Variants in SGCZ observed in about 807,000 individuals in gnomAD.
The protein encoded by SGCZ is sarcoglycan zeta, also known as zeta-sarcoglycan.
Under a neutral mutation model 41.3 loss-of-function variants are expected in SGCZ, and 40 were observed. The observed-to-expected ratio is 0.97, with a 90% CI of 0.75 to 1.26. The LOEUF (loss-of-function observed/expected upper bound fraction) is 1.26. Among genes scored for constraint, SGCZ ranks in the 50% most tolerant of loss-of-function variants. SGCZ has a pLI of 0.00. For missense variants in SGCZ, 552 were observed against 369.8 expected, an observed-to-expected ratio of 1.49 and a Z score of -4.04; for synonymous variants, 206 against 137.5, an observed-to-expected ratio of 1.50 and a Z score of -3.49.
intron 1 of SGCZ, among the ~76,000 whole-genome samples, chr8:14,612,924 T>A (rs570419022): frequency 3.3e-5 from 5 of 152,268 alleles, no homozygotes; most frequent in African/African-American, 1.2e-4. Context: ...GAGCTCAGGC[T>A]ATCCACTTGC....
chr8:14,993,135 T>C (rs1398906060), intron 1 of SGCZ, among the ~76,000 whole-genome samples: 2 of 152,190 alleles, frequency 1.3e-5, no homozygotes, highest in Non-Finnish European at 2.9e-5. Context: ...AAAATAGCTC[T>C]TGAATCCACC....
chr8:14,205,832 C>T (rs910694054), intron 4 of SGCZ, among the ~76,000 whole-genome samples: 1 of 151,930 alleles, frequency 6.6e-6, no homozygotes, highest in Admixed American at 6.6e-5. Context: ...GATTTATAGT[C>T]TATATCAAAT....
chr8:14,721,859 C>T (rs949343385), intron 1 of SGCZ, among the ~76,000 whole-genome samples: 1 of 146,352 alleles, frequency 6.8e-6, no homozygotes, highest in Admixed American at 6.7e-5. Context: ...TTAACTCCTA[C>T]TCTCTCTGTG....
At chr8:14,263,440 T>A (rs1446741402) in intron 3 of SGCZ, among the ~76,000 whole-genome samples, 2 of 151,750 alleles carry the variant, frequency 1.3e-5, no homozygotes, top group Non-Finnish European at 2.9e-5. Flanking sequence ...TCCCAGCTAC[T>A]CAGGAGGCTG....
At chr8:15,183,408 C>T (rs941570629) in intron 1 of SGCZ, among the ~76,000 whole-genome samples, 1 of 152,134 alleles carries the variant, frequency 6.6e-6, no homozygotes, top group Non-Finnish European at 1.5e-5. Flanking sequence ...TTTTTCAGGT[C>T]CATTATAAGT....
intron 1 of SGCZ, among the ~76,000 whole-genome samples, chr8:14,893,415 AAT>A (rs1805088775): frequency 6.6e-6 from 1 of 152,280 alleles, no homozygotes; most frequent in African/African-American, 2.4e-5. Context: ...TAAGGTAATA[AAT>A]ATAAGGTGTT....
intron 2 of SGCZ, among the ~76,000 whole-genome samples, chr8:14,395,151 CTCA>C (rs1372289800): frequency 1.3e-5 from 2 of 152,162 alleles, no homozygotes; most frequent in African/African-American, 4.8e-5. Context: ...TAGCTTTTCT[CTCA>C]TCATCTAGAT....
At chr8:15,168,280 G>A (rs924163648) in intron 1 of SGCZ, among the ~76,000 whole-genome samples, 1 of 152,188 alleles carries the variant, frequency 6.6e-6, no homozygotes, top group Admixed American at 6.5e-5. Context: ...CAGCGCAGGT[G>A]AGCGTGGCTG....
chr8:14,101,645 C>T (rs943827282), intron 7 of SGCZ, among the ~76,000 whole-genome samples: 34 of 110,200 alleles, frequency 3.1e-4, no homozygotes, highest in African/African-American at 9.0e-4. Flanking sequence ...CATCCTATTC[C>T]AGGAAATATC....
chr8:15,047,967 A>G (rs1205125104), intron 1 of SGCZ, among the ~76,000 whole-genome samples: 2 of 151,978 alleles, frequency 1.3e-5, no homozygotes, highest in Non-Finnish European at 2.9e-5. Flanking sequence ...CATATGATCC[A>G]GCAACCCCAC....
chr8:14,571,376 C>A (rs1354374942), intron 1 of SGCZ, among the ~76,000 whole-genome samples: 2 of 152,162 alleles, frequency 1.3e-5, no homozygotes, highest in Non-Finnish European at 2.9e-5. Context: ...ATTAATGTTG[C>A]TGTAATCAAA....
At chr8:14,841,243 A>G (rs1802897803) in intron 1 of SGCZ, among the ~76,000 whole-genome samples, 1 of 152,152 alleles carries the variant, frequency 6.6e-6, no homozygotes. Flanking sequence ...TAAACTAAAG[A>G]GCAATCCACC....
At chr8:14,909,728 T>A (rs1237262381) in intron 1 of SGCZ, among the ~76,000 whole-genome samples, 3 of 152,142 alleles carry the variant, frequency 2.0e-5, no homozygotes, top group Non-Finnish European at 4.4e-5. Flanking sequence ...AACACCAATT[T>A]GGAGATGTTT....
intron 2 of SGCZ, among the ~76,000 whole-genome samples, chr8:14,478,869 G>C (rs1801439451): frequency 6.6e-6 from 1 of 152,042 alleles, no homozygotes; most frequent in African/African-American, 2.4e-5. Flanking sequence ...GTAGTAATCT[G>C]GCAAGAACTT....
intron 1 of SGCZ, among the ~76,000 whole-genome samples, chr8:14,791,174 T>G (rs1215113647): frequency 6.6e-6 from 1 of 152,148 alleles, no homozygotes; most frequent in Admixed American, 6.6e-5. Context: ...TGTTAATATT[T>G]TAACTAGAAA....
chr8:14,786,631 C>A (rs1229445143), intron 1 of SGCZ, among the ~76,000 whole-genome samples: 2 of 151,948 alleles, frequency 1.3e-5, no homozygotes, highest in Non-Finnish European at 2.9e-5. Flanking sequence ...GCTGAAGCCT[C>A]CCTTAAATAA....
intron 2 of SGCZ, among the ~76,000 whole-genome samples, chr8:14,507,437 T>C (rs1013964917): frequency 2.0e-5 from 3 of 152,200 alleles, no homozygotes; most frequent in Non-Finnish European, 4.4e-5. Context: ...GATACAATGA[T>C]CTACACAATA....
At chr8:14,197,727 T>G (rs917091988) in intron 4 of SGCZ, among the ~76,000 whole-genome samples, 1 of 152,174 alleles carries the variant, frequency 6.6e-6, no homozygotes, top group Non-Finnish European at 1.5e-5. Context: ...AAAACCTAAG[T>G]GCTTTTCCCC....
chr8:14,846,215 C>G (rs895258178), intron 1 of SGCZ, among the ~76,000 whole-genome samples: 1 of 152,020 alleles, frequency 6.6e-6, no homozygotes, highest in African/African-American at 2.4e-5. Flanking sequence ...GCTGTATCCA[C>G]TAAATATCTA....
Sources: allele counts gnomAD v4.1 joint callset (sites outside exome capture counted in the v4.1 genomes callset), GRCh38; gene constraint gnomAD v4.1.1; transcripts MANE v1.5; gene names NCBI Gene and HGNC (gene_info 2026-07-23, HGNC 2026-07-21).